The following DCC variants were observed in gnomAD, a reference collection of about 807,000 sequenced individuals.
DCC encodes the protein netrin receptor DCC.
DCC carries 58 observed loss-of-function variants against 172.5 expected under a neutral mutation model. The observed-to-expected ratio is 0.34, with a 90% CI of 0.27 to 0.42. The LOEUF is 0.42. Among genes scored for constraint, DCC ranks in the 10% least tolerant of loss-of-function variants. The pLI is 1.00. For missense variants in DCC, 1,740 were observed against 1,791.0 expected (o/e 0.97, Z 0.51); for synonymous variants, 709 against 644.5 (o/e 1.10, Z -1.52).
intron 5 of DCC, among the ~76,000 whole-genome samples, chr18:52,927,856 G>A (rs921115126): frequency 2.0e-5 from 3 of 152,068 alleles, no homozygotes; most frequent in African/African-American, 7.2e-5. Flanking sequence ...AAGCAGTGTG[G>A]TGATTCCTCA....
chr18:52,913,225 C>A (rs1192058258), intron 3 of DCC, among the ~76,000 whole-genome samples: 1 of 152,024 alleles, frequency 6.6e-6, no homozygotes, highest in Non-Finnish European at 1.5e-5. Context: ...ACCAAGGTAA[C>A]CAGTCTTTCA....
At chr18:53,301,817 T>A (rs886384650) in intron 12 of DCC, among the ~76,000 whole-genome samples, 1 of 152,210 alleles carries the variant, frequency 6.6e-6, no homozygotes, top group Admixed American at 6.5e-5. Flanking sequence ...CTCCTCTTCC[T>A]TATTTTGTTG....
chr18:53,474,472 G>T (rs528289738), intron 25 of DCC, among the ~76,000 whole-genome samples: 1 of 152,266 alleles, frequency 6.6e-6, no homozygotes, highest in Non-Finnish European at 1.5e-5. Context: ...TTGTGGGAGG[G>T]TCCCAATGGG....
intron 1 of DCC, among the ~76,000 whole-genome samples, chr18:52,504,272 T>G (rs2031141194): frequency 6.6e-6 from 1 of 152,154 alleles, no homozygotes; most frequent in South Asian, 2.1e-4. Flanking sequence ...ATTCTCTGGT[T>G]CTACTTTTAG....
chr18:53,340,793 T>C (rs2057651018), intron 15 of DCC, among the ~76,000 whole-genome samples: 1 of 152,156 alleles, frequency 6.6e-6, no homozygotes, highest in South Asian at 2.1e-4. Context: ...CCGTATTACA[T>C]GACCCCACTG....
At chr18:53,253,125 C>T (rs1248785232) in intron 12 of DCC, among the ~76,000 whole-genome samples, 2 of 151,658 alleles carry the variant, frequency 1.3e-5, no homozygotes, top group African/African-American at 4.8e-5. Flanking sequence ...TTAATTCAAC[C>T]ACAGATGTAA....
At chr18:53,197,412 T>C (rs1436959613) in intron 9 of DCC, among the ~76,000 whole-genome samples, 2 of 140,950 alleles carry the variant, frequency 1.4e-5, no homozygotes, top group African/African-American at 5.3e-5. Context: ...AATCCACTTT[T>C]ATTTTAGTTT....
intron 12 of DCC, among the ~76,000 whole-genome samples, chr18:53,258,096 C>A (rs1010928466): frequency 6.6e-6 from 1 of 151,974 alleles, no homozygotes; most frequent in African/African-American, 2.4e-5. Flanking sequence ...TTTGATTCTT[C>A]TCTGTTTTCT....
chr18:53,372,670 A>G (rs908195065), intron 15 of DCC, among the ~76,000 whole-genome samples: 3 of 152,146 alleles, frequency 2.0e-5, no homozygotes, highest in Non-Finnish European at 4.4e-5. Flanking sequence ...TGCAAATTAC[A>G]GAAGACAAGC....
chr18:53,272,596 A>T (rs375133699), intron 12 of DCC, among the ~76,000 whole-genome samples: 1 of 152,126 alleles, frequency 6.6e-6, no homozygotes, highest in Admixed American at 6.6e-5. Context: ...TTATCTTCTA[A>T]TGGAAGTCAT....
intron 1 of DCC, among the ~76,000 whole-genome samples, chr18:52,528,407 A>T (rs2144678990): frequency 6.6e-6 from 1 of 152,324 alleles, no homozygotes; most frequent in East Asian, 1.9e-4. Flanking sequence ...GATACATATG[A>T]AAATAAGGAA....
chr18:52,955,501 C>A (rs1013527199), intron 5 of DCC, among the ~76,000 whole-genome samples: 26 of 151,972 alleles, frequency 1.7e-4, no homozygotes, highest in Non-Finnish European at 4.4e-5. Context: ...AATAGAGTTT[C>A]TATAAACAAC....
chr18:52,554,500 T>C (rs2032857194), intron 1 of DCC, among the ~76,000 whole-genome samples: 1 of 152,142 alleles, frequency 6.6e-6, no homozygotes, highest in African/African-American at 2.4e-5. Context: ...GTCCTGACTT[T>C]GACTTTACAA....
At chr18:53,005,295 T>C (rs1251389485) in intron 5 of DCC, among the ~76,000 whole-genome samples, 1 of 152,242 alleles carries the variant, frequency 6.6e-6, no homozygotes, top group East Asian at 1.9e-4. Context: ...TGGAATATTT[T>C]AGGAATAACT....
intron 12 of DCC, among the ~76,000 whole-genome samples, chr18:53,280,301 G>C (rs1252971969): frequency 6.6e-6 from 1 of 152,062 alleles, no homozygotes; most frequent in African/African-American, 2.4e-5. Context: ...TTATTTTAGA[G>C]TAACCTAGTC....
chr18:53,045,665 T>C (rs1221746409), intron 5 of DCC, among the ~76,000 whole-genome samples: 1 of 151,884 alleles, frequency 6.6e-6, no homozygotes, highest in Non-Finnish European at 1.5e-5. Flanking sequence ...TAGACTTCTT[T>C]TGATTTGCCC....
chr18:52,992,132 C>G (rs1044687149), intron 5 of DCC, among the ~76,000 whole-genome samples: 2 of 152,136 alleles, frequency 1.3e-5, no homozygotes, highest in African/African-American at 4.8e-5. Context: ...GCCCTTTATG[C>G]GAATGGTGGA....
rs368504525 is a variant in DCC at position 53,095,535 on chromosome 18, C to A, written c.1261+29369C>A. Among the ~76,000 whole-genome samples the A allele has an allele frequency of 2.9e-4, 44 of 152,270 alleles. 1 individual carries two copies. In the South Asian group the frequency reaches 8.9e-3, roughly 31 times the overall value. ...TAAAGGCTAGAAGTCTAAATTCAGT[C>A]TAACCAGCTAAAGTGAAAGCATCAA... On this transcript the variant is annotated intron_variant, in intron 7 of 28. Coordinates refer to ENST00000442544, the MANE Select transcript of DCC (RefSeq NM_005215.4).
At chr18:53,078,296 C>A (rs1344085001) in intron 7 of DCC, among the ~76,000 whole-genome samples, 1 of 151,882 alleles carries the variant, frequency 6.6e-6, no homozygotes, top group African/African-American at 2.4e-5. Context: ...GTCTCATAAG[C>A]AAGTAAGTAA....
Sources: allele counts gnomAD v4.1 joint callset (sites outside exome capture counted in the v4.1 genomes callset), GRCh38; gene constraint gnomAD v4.1.1; transcripts MANE v1.5; gene names NCBI Gene and HGNC (gene_info 2026-07-23, HGNC 2026-07-21).